ADCY2: variants seen among roughly 807,000 people sequenced by gnomAD.
ADCY2 encodes adenylate cyclase 2.
A neutral mutation model predicts 125.2 loss-of-function variants in ADCY2; 31 were observed. That is an observed-to-expected ratio of 0.25 (90% CI 0.19 to 0.33). The LOEUF is 0.33. ADCY2 is among the 10% of genes least tolerant of loss of function. The probability of loss-of-function intolerance (pLI) is 1.00; values close to 1 mark genes in which losing one functional copy is unlikely to be tolerated. For missense variants in ADCY2, 904 were observed against 1,418.2 expected (o/e 0.64, Z 5.82); for synonymous variants, 512 against 548.4 (o/e 0.93, Z 0.93).
intron 2 of ADCY2, among the ~76,000 whole-genome samples, chr5:7,436,911 G>A (rs758041672): frequency 2.0e-5 from 3 of 152,124 alleles, no homozygotes; most frequent in East Asian, 1.9e-4. Context: ...TGTTGGAGCC[G>A]AGCCACCTTC....
At chr5:7,551,237 T>C (rs1263040105) in intron 3 of ADCY2, among the ~76,000 whole-genome samples, 1 of 152,172 alleles carries the variant, frequency 6.6e-6, no homozygotes, top group Non-Finnish European at 1.5e-5. Context: ...AAAATCTTAT[T>C]TGGGGTTGGG....
At chr5:7,627,275 T>C (rs1738166188) in intron 4 of ADCY2, among the ~76,000 whole-genome samples, 1 of 152,146 alleles carries the variant, frequency 6.6e-6, no homozygotes, top group African/African-American at 2.4e-5. Flanking sequence ...GGGAAATGTA[T>C]AGACTGCAAG....
intron 15 of ADCY2, among the ~76,000 whole-genome samples, chr5:7,757,181 A>G (rs1287441489): frequency 6.6e-6 from 1 of 152,194 alleles, no homozygotes; most frequent in African/African-American, 2.4e-5. Flanking sequence ...TCACTTAAAA[A>G]CATAATTTCA....
At position 7,712,256 on chromosome 5, in the gene ADCY2, C is replaced by CT. The variant is rs543243353; in HGVS notation, c.1579-599dup. On this transcript the variant is annotated intron_variant, in intron 10 of 24. Transcript: ENST00000338316. ...GTAAAGGCAATCTTTCCTTGAAAGC[C>CT]TATTATTGAATATTTGACAGTGGCT... Among the ~76,000 whole-genome samples, 297 of 152,246 alleles carry CT rather than the reference C, an allele frequency of 2.0e-3. 1 individual carries two copies. The highest frequency in any genetic ancestry group is 6.4e-3 in the South Asian group (31 of 4,826).
chr5:7,717,912 G>A (rs1056972784), intron 12 of ADCY2, among the ~76,000 whole-genome samples: 26 of 152,166 alleles, frequency 1.7e-4, no homozygotes, highest in African/African-American at 5.1e-4. Context: ...CCTGGTGCAC[G>A]TCAGACATTC....
Position 7,654,622 on chromosome 5 carries a change from C to T in ADCY2, c.720+28306C>T, listed in dbSNP as rs74553180. On this transcript the variant is annotated intron_variant, in intron 4 of 24. Coordinates refer to ENST00000338316, the MANE Select transcript of ADCY2 (RefSeq NM_020546.3). ...TTTATTAGAGTTATATGTGTTTCTG[C>T]CTTCTCATTTTACAAGTTTGTCATT... is the stretch of plus-strand genomic sequence containing the variant. 5.7e-3 allele frequency among the ~76,000 whole-genome samples: 865 copies of T among 152,250 alleles called. 3 individuals carry two copies. The highest frequency in any genetic ancestry group is 0.013 in the Admixed American group (196 of 15,302).
At chr5:7,411,664 A>C (rs1325162830) in intron 1 of ADCY2, among the ~76,000 whole-genome samples, 5 of 152,204 alleles carry the variant, frequency 3.3e-5, no homozygotes, top group Non-Finnish European at 1.5e-5. Context: ...TTTTTAAAAA[A>C]GAGAGAGAAA....
At chr5:7,656,801 A>ATAGTCCCT (rs1739351067) in intron 4 of ADCY2, among the ~76,000 whole-genome samples, 1 of 152,216 alleles carries the variant, frequency 6.6e-6, no homozygotes, top group Non-Finnish European at 1.5e-5. Flanking sequence ...AGTCCCTAGG[A>ATAGTCCCT]ATGAAAGCAT....
chr5:7,590,831 A>C (rs2126625067), intron 3 of ADCY2, among the ~76,000 whole-genome samples: 1 of 152,302 alleles, frequency 6.6e-6, no homozygotes, highest in East Asian at 1.9e-4. Context: ...GCATTTAAAA[A>C]GTTTGGTATT....
intron 3 of ADCY2, among the ~76,000 whole-genome samples, chr5:7,621,832 G>A (rs1737964992): frequency 6.6e-6 from 1 of 152,142 alleles, no homozygotes; most frequent in Non-Finnish European, 1.5e-5. Context: ...GAGATGATGG[G>A]GTGCAGCATG....
chr5:7,561,284 C>A (rs113486350), intron 3 of ADCY2, among the ~76,000 whole-genome samples: 2 of 152,226 alleles, frequency 1.3e-5, no homozygotes, highest in East Asian at 3.9e-4. Flanking sequence ...CATCATTGTG[C>A]GAACATCATA....
chr5:7,536,317 A>G (rs1029299738), intron 3 of ADCY2, among the ~76,000 whole-genome samples: 2 of 152,188 alleles, frequency 1.3e-5, no homozygotes, highest in African/African-American at 4.8e-5. Flanking sequence ...CGTGTAGGGC[A>G]GATTTGGCCA....
At chr5:7,750,474 A>G (rs1742773552) in intron 15 of ADCY2, among the ~76,000 whole-genome samples, 2 of 152,160 alleles carry the variant, frequency 1.3e-5, no homozygotes, top group Admixed American at 1.3e-4. Context: ...TTTTTGTTAA[A>G]CAATGTATTT....
At chr5:7,742,124 T>A (rs1742456015) in intron 14 of ADCY2, among the ~76,000 whole-genome samples, 2 of 119,012 alleles carry the variant, frequency 1.7e-5, no homozygotes, top group Admixed American at 8.2e-5. Flanking sequence ...GAGAGCATAG[T>A]GCCCAAAAAA....
At position 7,804,720 on chromosome 5, in the gene ADCY2, C is replaced by T. The variant is rs78523758; in HGVS notation, c.2883+28C>T. 4,766 of 1,567,420 alleles carry T rather than the reference C, an allele frequency of 3.0e-3. 117 individuals carry two copies. In the African/African-American group the frequency reaches 0.056, roughly 18 times the overall value. ...AAGACGCGTTGGCCACTTAACGGCA[C>T]AGGTGAGCCTCAACCCCATCCACAA... On this transcript the variant is annotated intron_variant, in intron 22 of 24. Transcript: ENST00000338316.
chr5:7,483,352 G>T (rs1179706470), intron 2 of ADCY2, among the ~76,000 whole-genome samples: 2 of 151,866 alleles, frequency 1.3e-5, no homozygotes, highest in Non-Finnish European at 2.9e-5. Context: ...TCAAGAATTT[G>T]CAGGTTAGGT....
At chr5:7,647,797 ATC>A (rs1416660331) in intron 4 of ADCY2, among the ~76,000 whole-genome samples, 1 of 152,224 alleles carries the variant, frequency 6.6e-6, no homozygotes, top group East Asian at 1.9e-4. Flanking sequence ...ACAAAGACTC[ATC>A]AATCCTATCT....
chr5:7,707,740 T>C lies in ADCY2; in HGVS notation c.1303T>C (p.Leu435=). The change falls in exon 9 of 25, where the codon TTG becomes CTG. Residue 435 remains leucine (L), a synonymous_variant. Transcript: ENST00000338316. ...VHISSVTLEH[L]NGAYKVEEGD... ...CATTTCTTCTGTCACCCTGGAGCAC[T>C]TGAATGGCGCTTATAAAGTGGAGGA... 1 of 1,614,164 alleles carries C rather than the reference T, an allele frequency of 6.2e-7. No homozygotes were observed. Among genetic ancestry groups the C allele is most frequent in the Non-Finnish European group, 8.5e-7 (1 of 1,180,024 alleles).
At chr5:7,671,209 T>C (rs566251520) in intron 4 of ADCY2, among the ~76,000 whole-genome samples, 2 of 152,234 alleles carry the variant, frequency 1.3e-5, no homozygotes, top group Non-Finnish European at 2.9e-5. Flanking sequence ...TTGATTGATC[T>C]GGTTTTCAAT....
Sources: gnomAD v4.1 joint callset for allele counts (sites outside exome capture counted in the v4.1 genomes callset) on GRCh38, gnomAD v4.1.1 for gene constraint, MANE v1.5 for transcripts, NCBI Gene and HGNC (gene_info 2026-07-23, HGNC 2026-07-21) for gene names.